The following ADAMTS17 variants were observed in gnomAD, a reference collection of about 807,000 sequenced individuals.
ADAMTS17 encodes A disintegrin and metalloproteinase with thrombospondin motifs 17.
A neutral mutation model predicts 141.5 loss-of-function variants in ADAMTS17; 113 were observed. The ratio of observed to expected loss-of-function variants is 0.80; its 90% CI spans 0.69 to 0.93. The LOEUF is 0.93. Among genes scored for constraint, ADAMTS17 ranks in the 40% least tolerant of loss-of-function variants. The pLI is 0.00. For synonymous variants in ADAMTS17, 768 were observed against 630.6 expected (o/e 1.22, Z -3.27); for missense variants, 1,659 against 1,517.9 (o/e 1.09, Z -1.54).
At chr15:100,167,273 A>G (rs74037537) in intron 8 of ADAMTS17, among the ~76,000 whole-genome samples, 3,187 of 152,290 alleles carry the variant, frequency 0.021, 132 homozygotes, top group East Asian at 0.17. Context: ...TTGGAGAAAT[A>G]ACCCAATCTC....
intron 7 of ADAMTS17, among the ~76,000 whole-genome samples, chr15:100,220,778 T>C (rs540393843): frequency 3.3e-4 from 50 of 152,332 alleles, no homozygotes; most frequent in African/African-American, 1.2e-3. Context: ...ATGCGGCCTT[T>C]TGTGACTGGC....
At chr15:100,202,769 G>A (rs1376695287) in intron 7 of ADAMTS17, among the ~76,000 whole-genome samples, 1 of 152,174 alleles carries the variant, frequency 6.6e-6, no homozygotes, top group African/African-American at 2.4e-5. Flanking sequence ...TGCTTGTCAA[G>A]AAATGAGGAA....
intron 15 of ADAMTS17, among the ~76,000 whole-genome samples, chr15:100,065,739 A>G (rs1011124533): frequency 4.2e-4 from 64 of 152,166 alleles, no homozygotes; most frequent in Admixed American, 1.3e-4. Flanking sequence ...GTTCTGGGAT[A>G]CATGTGCTGA....
intron 2 of ADAMTS17, among the ~76,000 whole-genome samples, chr15:100,340,793 G>A (rs1464555059): frequency 6.6e-6 from 1 of 152,112 alleles, no homozygotes; most frequent in Non-Finnish European, 1.5e-5. Context: ...CGCAACCCCA[G>A]CTCCGCGCGG....
At chr15:100,258,700 T>C (rs2043415366) in intron 6 of ADAMTS17, among the ~76,000 whole-genome samples, 2 of 151,888 alleles carry the variant, frequency 1.3e-5, no homozygotes, top group Non-Finnish European at 2.9e-5. Flanking sequence ...AAGATGAGAT[T>C]TGGGTGGGGA....
intron 14 of ADAMTS17, among the ~76,000 whole-genome samples, chr15:100,098,662 C>A (rs369454362): frequency 1.2e-4 from 17 of 144,254 alleles, no homozygotes; most frequent in East Asian, 2.1e-4. Context: ...GAGTCCGTCT[C>A]AAAAAAAAAA....
Position 100,132,653 on chromosome 15 carries a change from G to C in ADAMTS17, c.1576-501C>G, listed in dbSNP as rs148291019. Reference sequence around the variant, plus strand: ...TCAAAGTGCACAGCACATACCCTGAGGTGCTAGGTGTGATTTCTGTGGTTC... The same window carrying C: ...TCAAAGTGCACAGCACATACCCTGACGTGCTAGGTGTGATTTCTGTGGTTC... On this transcript the variant is annotated intron_variant, in intron 11 of 21. Transcript: ENST00000268070. Among the ~76,000 whole-genome samples, 23 of 152,336 alleles carry C rather than the reference G, an allele frequency of 1.5e-4. No homozygotes were observed. The East Asian group carries it at 1.7e-3, about 11-fold the overall frequency.
intron 18 of ADAMTS17, among the ~76,000 whole-genome samples, chr15:100,005,615 C>T (rs1354786662): frequency 6.6e-6 from 1 of 152,158 alleles, no homozygotes; most frequent in African/African-American, 2.4e-5. Context: ...CCCAGATAAT[C>T]CAGAATAATC....
chr15:100,189,634 A>G (rs1422645498), intron 8 of ADAMTS17, among the ~76,000 whole-genome samples: 1 of 152,172 alleles, frequency 6.6e-6, no homozygotes, highest in Non-Finnish European at 1.5e-5. Flanking sequence ...AAACCAACCC[A>G]TGCATGCCTT....
intron 3 of ADAMTS17, among the ~76,000 whole-genome samples, chr15:100,323,281 T>C (rs1056665852): frequency 5.3e-5 from 8 of 152,166 alleles, no homozygotes; most frequent in Non-Finnish European, 8.8e-5. Flanking sequence ...AATAAAGAAA[T>C]TGAGACACTT....
At chr15:100,115,204 T>G (rs11247153) in intron 13 of ADAMTS17, among the ~76,000 whole-genome samples, 1 of 152,116 alleles carries the variant, frequency 6.6e-6, no homozygotes, top group Non-Finnish European at 1.5e-5. Context: ...GGGGTCTGCG[T>G]GTGCCTGACA....
intron 3 of ADAMTS17, among the ~76,000 whole-genome samples, chr15:100,324,345 T>C (rs1273603480): frequency 6.6e-6 from 1 of 152,114 alleles, no homozygotes; most frequent in Non-Finnish European, 1.5e-5. Flanking sequence ...CTGAAGCAAA[T>C]CTGACCACAT....
At chr15:100,213,025 G>C (rs572084077) in intron 7 of ADAMTS17, among the ~76,000 whole-genome samples, 9 of 151,978 alleles carry the variant, frequency 5.9e-5, no homozygotes, top group African/African-American at 1.9e-4. Context: ...TGAGGGATAT[G>C]CACATATCCG....
intron 14 of ADAMTS17, among the ~76,000 whole-genome samples, chr15:100,102,898 A>G (rs1201808099): frequency 1.3e-5 from 2 of 151,852 alleles, no homozygotes; most frequent in Admixed American, 1.3e-4. Context: ...CCCACTCTTC[A>G]CTTCCGACCC....
At chr15:100,227,357 C>G (rs557367683) in intron 7 of ADAMTS17, among the ~76,000 whole-genome samples, 3 of 135,140 alleles carry the variant, frequency 2.2e-5, no homozygotes, top group Admixed American at 7.5e-5. Context: ...CTCACTACCC[C>G]CTCCAATCCT....
chr15:100,091,621 T>C (rs1284347654), intron 15 of ADAMTS17, among the ~76,000 whole-genome samples: 1 of 152,220 alleles, frequency 6.6e-6, no homozygotes, highest in Non-Finnish European at 1.5e-5. Flanking sequence ...ATTTCTCAAG[T>C]AGACTTGCTG....
chr15:100,117,382 G>T (rs1316866473), intron 12 of ADAMTS17, among the ~76,000 whole-genome samples: 1 of 150,210 alleles, frequency 6.7e-6, no homozygotes, highest in Non-Finnish European at 1.5e-5. Flanking sequence ...TTCTGCAGGG[G>T]TCTTCTCTGA....
intron 4 of ADAMTS17, among the ~76,000 whole-genome samples, chr15:100,276,422 T>A (rs547998477): frequency 0.016 from 287 of 17,860 alleles, no homozygotes; most frequent in East Asian, 0.053. Flanking sequence ...GGTGGGAGGG[T>A]GTGGGTGCCT....
At chr15:100,113,066 C>G (rs2036890777) in intron 13 of ADAMTS17, among the ~76,000 whole-genome samples, 2 of 152,180 alleles carry the variant, frequency 1.3e-5, no homozygotes, top group Admixed American at 6.5e-5. Context: ...CGAGGCTACT[C>G]AGACTCCTGT....
Sources: allele counts gnomAD v4.1 joint callset (sites outside exome capture counted in the v4.1 genomes callset), GRCh38; gene constraint gnomAD v4.1.1; transcripts MANE v1.5; gene names NCBI Gene and HGNC (gene_info 2026-07-23, HGNC 2026-07-21).